The following ATXN3 variants were observed in gnomAD, a reference collection of about 807,000 sequenced individuals.
ATXN3 encodes the protein ataxin-3.
ATXN3 carries 28 observed loss-of-function variants against 58.2 expected under a neutral mutation model. The observed-to-expected ratio is 0.48, with a 90% CI of 0.36 to 0.66. The LOEUF is 0.66. ATXN3 is among the 30% of genes least tolerant of loss of function. ATXN3 has a pLI of 0.00. For synonymous variants in ATXN3, 113 were observed against 138.5 expected (o/e 0.82, Z 1.29); for missense variants, 321 against 422.1 (o/e 0.76, Z 2.10).
chr14:92,072,125 T>G (rs1368343346), intron 9 of ATXN3, among the ~76,000 whole-genome samples: 1 of 152,182 alleles, frequency 6.6e-6, no homozygotes, highest in Non-Finnish European at 1.5e-5. Context: ...TCCTCTGTAA[T>G]TTTTTCAAAA....
At chr14:92,071,115 G>A (rs1192226231) in intron 9 of ATXN3, 62 bp from the exon 10 acceptor site, 3 of 1,530,924 alleles carry the variant, frequency 2.0e-6, no homozygotes, top group Admixed American at 2.0e-5. Context: ...AATACACCAT[G>A]AGAAAAACTA....
At chr14:92,082,166 A>T (rs2061587587) in intron 8 of ATXN3, 134 bp downstream of exon 8, 2 of 911,794 alleles carry the variant, frequency 2.2e-6, no homozygotes, top group South Asian at 5.4e-5. Context: ...CTAAAGGGAA[A>T]GCCCACTATA....
chr14:92,076,892 A>G (rs2060490064), intron 9 of ATXN3, among the ~76,000 whole-genome samples: 1 of 148,480 alleles, frequency 6.7e-6, no homozygotes, highest in African/African-American at 2.5e-5. Flanking sequence ...GTGAGCCGAG[A>G]TCATGCCACT....
rs1460352818 is a variant in ATXN3 at position 92,062,569 on chromosome 14, G to C, written c.*1751C>G. 3 of 152,084 alleles carry C rather than the reference G, an allele frequency of 2.0e-5. No individual in the cohort carries two copies. Among genetic ancestry groups the C allele is most frequent in the Non-Finnish European group, 4.4e-5 (3 of 68,030 alleles). The allele number at this position is 152,084 out of a possible 1,614,324, so 9.4% of individuals were successfully genotyped here. A position where few individuals can be genotyped will look rare whatever the true frequency, so the allele number is the denominator to read the frequency against. On this transcript the variant is annotated 3_prime_UTR_variant, in exon 11 of 11. Transcript: ENST00000644486. ...TAGCTTTTTAAATCTTGAGGGAGTA[G>C]TACTAAACTCCAACATCCCTTGCAG...
chr14:92,103,917 T>C (rs1042222792), intron 1 of ATXN3, among the ~76,000 whole-genome samples: 4 of 152,148 alleles, frequency 2.6e-5, no homozygotes, highest in Admixed American at 2.0e-4. Flanking sequence ...GGGAAGGCAG[T>C]GAACGGAAAA....
intron 9 of ATXN3, among the ~76,000 whole-genome samples, chr14:92,076,395 C>A (rs529233605): frequency 2.0e-5 from 3 of 149,818 alleles, no homozygotes; most frequent in African/African-American, 7.4e-5. Flanking sequence ...TTGCAGTGAG[C>A]CGAGATCGCG....
At position 92,106,543 on chromosome 14, in the gene ATXN3, T is replaced by C. The variant is rs1596104708; in HGVS notation, c.10A>G (p.Ile4Val). Residue 4 changes from isoleucine to valine, a missense_variant, in exon 1 of 11, where the codon ATC becomes GTC. Around this residue, in one of 2 missense-constraint regions of ATXN3, gnomAD observed 121 missense variants for 198.9 expected, o/e 0.61. Coordinates refer to ENST00000644486, the MANE Select transcript of ATXN3 (RefSeq NM_004993.6). ...CGGACACTCACTTTCTCGTGGAAGATGGACTCCATGTTTATTTGTCTGGAG... is the reference window on the plus strand; with the variant it reads ...CGGACACTCACTTTCTCGTGGAAGACGGACTCCATGTTTATTTGTCTGGAG... MES[I>V]FHEKQEGSLC... 1.9e-6 allele frequency: 3 copies of C among 1,613,262 alleles called. No individual in the cohort carries two copies. The highest frequency in any genetic ancestry group is 2.5e-6 in the Non-Finnish European group (3 of 1,179,560).
At chr14:92,071,299 A>G in intron 9 of ATXN3, 1 of 695,692 alleles carries the variant, frequency 1.4e-6, no homozygotes, top group Non-Finnish European at 2.5e-6. Flanking sequence ...TTTTCATCAC[A>G]AAATAACCTA....
chr14:92,071,041 CTTT>C lies in ATXN3; in HGVS notation c.882_884del (p.Lys295del), dbSNP rs141993435. The C allele has an allele frequency of 6.4e-4, 1,025 of 1,601,186 alleles. No homozygotes were observed. The highest frequency in any genetic ancestry group is 8.4e-4 in the Middle Eastern group (5 of 5,954). ...GCTGCTGCTGCTGCTGCTGTTGCTG[CTTT>C]TGCTGCTGTCTGAAACATTCAAAAG... On this transcript the variant is annotated inframe_deletion, in exon 10 of 11. Coordinates refer to ENST00000644486, the MANE Select transcript of ATXN3 (RefSeq NM_004993.6).
chr14:92,078,869 A>G (rs1345272470), intron 9 of ATXN3, among the ~76,000 whole-genome samples: 1 of 152,142 alleles, frequency 6.6e-6, no homozygotes, highest in East Asian at 1.9e-4. Flanking sequence ...GACAGTGGAA[A>G]GAATGGGAGA....
chr14:92,086,602 G>A (rs2062615031), intron 6 of ATXN3, among the ~76,000 whole-genome samples: 1 of 147,420 alleles, frequency 6.8e-6, no homozygotes. Context: ...TCATGGTGGT[G>A]CACGCCTGTA....
chr14:92,095,608 C>T (rs564812406), intron 3 of ATXN3, among the ~76,000 whole-genome samples: 1 of 151,920 alleles, frequency 6.6e-6, no homozygotes, highest in East Asian at 1.9e-4. Context: ...TTTTTAAATG[C>T]CCCACTCTAA....
chr14:92,081,495 A>G (rs2061478108), intron 8 of ATXN3, among the ~76,000 whole-genome samples: 1 of 151,138 alleles, frequency 6.6e-6, no homozygotes, highest in Non-Finnish European at 1.5e-5. Flanking sequence ...AAGAAAGAAA[A>G]AAAAAAAAGA....
rs184319601 is a variant in ATXN3 at position 92,060,759 on chromosome 14, G to T, written c.*3561C>A. On this transcript the variant is annotated 3_prime_UTR_variant, in exon 11 of 11. Transcript: ENST00000644486. ...ATTTTTTTTTTTTTTTTGAGACAGA[G>T]TCTCACTCTGTCGCCCAGTCTGGAG... 6.9e-6 allele frequency: 1 copy of T among 144,976 alleles called. No homozygotes were observed. The highest frequency in any genetic ancestry group is 2.0e-4 in the East Asian group (1 of 4,886). The allele number at this position is 144,976 out of a possible 1,614,324, so 9.0% of individuals were successfully genotyped here.
chr14:92,093,787 C>G lies in ATXN3; in HGVS notation c.279G>C (p.Leu93=). 6.2e-7 allele frequency: 1 copy of G among 1,612,936 alleles called. No individual in the cohort carries two copies. The highest frequency in any genetic ancestry group is 8.5e-7 in the Non-Finnish European group (1 of 1,178,966). ...ALKVWGLELI[L]FNSPEYQRLR... is the part of the protein sequence containing the mutation. ...GCCTCTGATACTCTGGACTGTTGAA[C>G]AGGATTAGTTCTAAACCCCAAACTT... The change falls in exon 4 of 11, where the codon CTG becomes CTC. Residue 93 remains leucine (L), a synonymous_variant. Transcript: ENST00000644486.
intron 1 of ATXN3, among the ~76,000 whole-genome samples, chr14:92,105,200 T>A (rs1424486894): frequency 1.3e-5 from 2 of 151,982 alleles, no homozygotes; most frequent in Non-Finnish European, 2.9e-5. Flanking sequence ...GGTGGGAGAA[T>A]CACCTGAGTC....
At position 92,061,894 on chromosome 14, in the gene ATXN3, A is replaced by T. The variant is rs559924763; in HGVS notation, c.*2426T>A. The T allele has an allele frequency of 6.6e-6, 1 of 152,360 alleles. No individual in the cohort carries two copies. The highest frequency in any genetic ancestry group is 6.5e-5 in the Admixed American group (1 of 15,300). The allele number at this position is 152,360 out of a possible 1,614,324, so 9.4% of individuals were successfully genotyped here. A position where few individuals can be genotyped will look rare whatever the true frequency, so the allele number is the denominator to read the frequency against. ...GCTTCTGGATCTGCCTGCTAAATGT[A>T]ACAATTTCACAACAAACTACACAAA... On this transcript the variant is annotated 3_prime_UTR_variant, in exon 11 of 11. Transcript: ENST00000644486.
chr14:92,067,150 C>T (rs2140282539), intron 10 of ATXN3, among the ~76,000 whole-genome samples: 1 of 152,190 alleles, frequency 6.6e-6, no homozygotes, highest in South Asian at 2.1e-4. Context: ...GATGGGAAAT[C>T]TGCTGTCATT....
chr14:92,056,998 CCTCTGGTCCTCCT>C (rs1412421432), downstream of ATXN3, among the ~76,000 whole-genome samples: 15 of 152,144 alleles, frequency 9.9e-5, no homozygotes, highest in Non-Finnish European at 2.2e-4. Context: ...ATGAAAGTGA[CCTCTGGTCCTCCT>C]CACTGCTACA....
Sources: allele counts gnomAD v4.1 joint callset (sites outside exome capture counted in the v4.1 genomes callset), GRCh38; gene constraint gnomAD v4.1.1; regional missense constraint gnomAD v4.1.1; transcripts MANE v1.5; gene names NCBI Gene and HGNC (gene_info 2026-07-23, HGNC 2026-07-21).